The following CDC73 variants were observed in gnomAD, a reference collection of about 807,000 sequenced individuals.
CDC73 encodes cell division cycle 73.
CDC73 carries 21 observed loss-of-function variants against 83.7 expected under a neutral mutation model. The observed-to-expected ratio is 0.25, with a 90% CI of 0.18 to 0.36. The LOEUF (loss-of-function observed/expected upper bound fraction) is 0.36. Ranked by LOEUF, CDC73 falls within the 10% of genes least tolerant of loss-of-function variation. The pLI, the probability that CDC73 is intolerant of heterozygous loss-of-function variation, is 1.00. For synonymous variants in CDC73, 224 were observed against 212.9 expected, an observed-to-expected ratio of 1.05 and a Z score of -0.45; for missense variants, 342 against 653.3, an observed-to-expected ratio of 0.52 and a Z score of 5.19.
At chr1:193,224,772 TTTCAGACC>T (rs1490217963) in intron 13 of CDC73, among the ~76,000 whole-genome samples, 2 of 152,220 alleles carry the variant, frequency 1.3e-5, no homozygotes, top group East Asian at 3.8e-4. Flanking sequence ...AAAATAATTA[TTTCAGACC>T]AATTTTTTAG....
intron 15 of CDC73, among the ~76,000 whole-genome samples, chr1:193,241,424 C>G (rs989272843): frequency 2.6e-5 from 4 of 152,202 alleles, no homozygotes; most frequent in Admixed American, 1.3e-4. Context: ...TTTTGAGTCC[C>G]AAGGCCACGT....
At chr1:193,126,998 G>A (rs1675587394) in intron 2 of CDC73, among the ~76,000 whole-genome samples, 1 of 152,080 alleles carries the variant, frequency 6.6e-6, no homozygotes, top group Admixed American at 6.6e-5. Context: ...GTGTGGTGGT[G>A]CATGCCTGTA....
Position 193,180,784 on chromosome 1 carries a change from T to A in CDC73, c.973-23011T>A, listed in dbSNP as rs374259217. ...CTTCAGTAACTTATTGATTAAATAT[T>A]CAGTGTTGACAAACATGTCACTGTC... On this transcript the variant is annotated intron_variant, in intron 10 of 16. Coordinates refer to ENST00000367435, the MANE Select transcript of CDC73 (RefSeq NM_024529.5). 3.9e-5 allele frequency: 63 copies of A among 1,614,110 alleles called. No individual in the cohort carries two copies. In the African/African-American group the frequency reaches 8.1e-4, roughly 21 times the overall value.
intron 10 of CDC73, among the ~76,000 whole-genome samples, chr1:193,163,164 TGTGTGTGTGTGTGG>T (rs1676371487): frequency 2.0e-5 from 3 of 151,486 alleles, no homozygotes; most frequent in Non-Finnish European, 4.4e-5. Context: ...TGTGTGTGTG[TGTGTGTGTGTGTGG>T]GTGTGTGTGT....
intron 10 of CDC73, among the ~76,000 whole-genome samples, chr1:193,191,290 A>G (rs1472857555): frequency 6.6e-6 from 1 of 152,320 alleles, no homozygotes; most frequent in African/African-American, 2.4e-5. Flanking sequence ...TACATTCACT[A>G]TGACTTTATG....
intron 15 of CDC73, among the ~76,000 whole-genome samples, chr1:193,247,917 AGCAGCAAGTGCTGATAAAGAAGCT>A (rs1243928244): frequency 1.3e-5 from 2 of 152,246 alleles, no homozygotes; most frequent in Admixed American, 1.3e-4. Flanking sequence ...TGTAAGGTGA[AGCAGCAAGTGCTGATAAAGAAGCT>A]GCAGCAAGTT....
chr1:193,156,230 C>G (rs1676205515), intron 10 of CDC73, among the ~76,000 whole-genome samples: 1 of 152,130 alleles, frequency 6.6e-6, no homozygotes, highest in Admixed American at 6.5e-5. Flanking sequence ...TTGGTAGTTG[C>G]CTTGAGAACA....
chr1:193,214,149 A>G (rs533780433), intron 13 of CDC73, among the ~76,000 whole-genome samples: 1 of 152,252 alleles, frequency 6.6e-6, no homozygotes, highest in Admixed American at 6.5e-5. Context: ...TACTGCCTAC[A>G]CTTTCCTCAT....
At chr1:193,249,986 A>G (rs999978577) in intron 16 of CDC73, 115 bp downstream of exon 16, 14 of 919,754 alleles carry the variant, frequency 1.5e-5, no homozygotes, top group Middle Eastern at 2.4e-4. Flanking sequence ...TTCTTTCAAC[A>G]TTAACTTGAT....
chr1:193,161,154 T>G (rs1217562894), intron 10 of CDC73: 2 of 176,862 alleles, frequency 1.1e-5, no homozygotes, highest in African/African-American at 2.4e-5. Flanking sequence ...TCTTTTAGTG[T>G]TGTTCTTCTT....
chr1:193,226,816 G>A (rs1170161071), intron 13 of CDC73, among the ~76,000 whole-genome samples: 1 of 152,010 alleles, frequency 6.6e-6, no homozygotes, highest in Admixed American at 6.6e-5. Context: ...TTGGTCTTAG[G>A]GTATTACAGG....
At chr1:193,136,042 ATT>A (rs1000499641) in intron 5 of CDC73, among the ~76,000 whole-genome samples, 1 of 147,306 alleles carries the variant, frequency 6.8e-6, no homozygotes, top group South Asian at 2.2e-4. Flanking sequence ...TTAATTTTTG[ATT>A]TTTTTTTTAA....
At chr1:193,179,025 A>G (rs1008008106) in intron 10 of CDC73, 4 of 152,226 alleles carry the variant, frequency 2.6e-5, no homozygotes, top group African/African-American at 9.6e-5. Context: ...AATTATTGTG[A>G]AAATACTTAT....
intron 13 of CDC73, among the ~76,000 whole-genome samples, chr1:193,216,654 CCTG>C (rs199672210): frequency 0.012 from 1,829 of 151,384 alleles, 19 homozygotes; most frequent in South Asian, 0.034. Flanking sequence ...AAAAAAAAAA[CCTG>C]CTGGCCAGTA....
intron 16 of CDC73, among the ~76,000 whole-genome samples, 186 bp downstream of exon 16, chr1:193,250,057 T>C (rs1448089114): frequency 3.3e-5 from 5 of 151,940 alleles, no homozygotes; most frequent in Non-Finnish European, 7.4e-5. Flanking sequence ...TTGGAGAATT[T>C]AGCCTGATAG....
chr1:193,184,315 G>A (rs1676768952), intron 10 of CDC73, among the ~76,000 whole-genome samples: 1 of 151,820 alleles, frequency 6.6e-6, no homozygotes, highest in South Asian at 2.1e-4. Flanking sequence ...AAATAACCAT[G>A]CCTGCTTTTT....
chr1:193,150,920 A>G (rs1297125616), intron 9 of CDC73, among the ~76,000 whole-genome samples: 1 of 152,228 alleles, frequency 6.6e-6, no homozygotes, highest in Non-Finnish European at 1.5e-5. Flanking sequence ...GCTGTTATTC[A>G]TACTGCTTTT....
intron 10 of CDC73, among the ~76,000 whole-genome samples, chr1:193,172,254 T>TA (rs1173053871): frequency 1.3e-5 from 2 of 151,512 alleles, no homozygotes; most frequent in Non-Finnish European, 2.9e-5. Context: ...TTTTTTTTTT[T>TA]TAAGAAAATT....
chr1:193,142,230 A>T (rs1354174987), intron 7 of CDC73, among the ~76,000 whole-genome samples, 164 bp downstream of exon 7: 1 of 152,172 alleles, frequency 6.6e-6, no homozygotes, highest in Non-Finnish European at 1.5e-5. Flanking sequence ...GGCCATTTTT[A>T]CCATTCCATT....
Sources: allele counts gnomAD v4.1 joint callset (sites outside exome capture counted in the v4.1 genomes callset), GRCh38; gene constraint gnomAD v4.1.1; transcripts MANE v1.5; gene names NCBI Gene and HGNC (gene_info 2026-07-23, HGNC 2026-07-21).